Variants in ELMOD2 observed in about 807,000 individuals in gnomAD.
The protein encoded by ELMOD2 is ELMO domain-containing protein 2.
A neutral mutation model predicts 41.0 loss-of-function variants in ELMOD2; 28 were observed. The ratio of observed to expected loss-of-function variants is 0.68; its 90% CI spans 0.51 to 0.94. ELMOD2 has a LOEUF of 0.94. Among genes scored for constraint, ELMOD2 ranks in the 40% least tolerant of loss-of-function variants. ELMOD2 has a pLI of 0.00. For missense variants in ELMOD2, 333 were observed against 343.1 expected (o/e 0.97, Z 0.23); for synonymous variants, 106 against 107.2 (o/e 0.99, Z 0.07).
chr4:140,530,234 G>A (rs933860791), intron 3 of ELMOD2, among the ~76,000 whole-genome samples: 2 of 152,120 alleles, frequency 1.3e-5, no homozygotes, highest in Non-Finnish European at 1.5e-5. Context: ...TAATGGGATT[G>A]TATGTGTGGT....
intron 3 of ELMOD2, among the ~76,000 whole-genome samples, chr4:140,532,390 C>T (rs1320664691): frequency 6.6e-6 from 1 of 152,130 alleles, no homozygotes; most frequent in East Asian, 1.9e-4. Context: ...TGGTCTCAAA[C>T]TCCTGACATC....
chr4:140,541,649 C>T (rs992573183), intron 6 of ELMOD2, among the ~76,000 whole-genome samples: 2 of 151,912 alleles, frequency 1.3e-5, no homozygotes, highest in African/African-American at 4.8e-5. Flanking sequence ...TATACTCTCT[C>T]CCCGGGAAAT....
chr4:140,534,374 A>C (rs1734845710), intron 3 of ELMOD2, among the ~76,000 whole-genome samples: 1 of 152,180 alleles, frequency 6.6e-6, no homozygotes, highest in South Asian at 2.1e-4. Context: ...AAATCAGAAC[A>C]GTGGTTGCTT....
chr4:140,548,088 G>A (rs985732500), intron 8 of ELMOD2, among the ~76,000 whole-genome samples: 2 of 152,156 alleles, frequency 1.3e-5, no homozygotes, highest in Admixed American at 6.6e-5. Flanking sequence ...TCACTCTGAA[G>A]CAAGAAGTTC....
rs539070429 is a variant in ELMOD2, at chr4:140,545,906, A to G, written c.736+2320A>G. 4.0e-4 allele frequency among the ~76,000 whole-genome samples: 61 copies of G among 152,316 alleles called. 1 individual carries two copies. In the South Asian group the frequency reaches 0.012, roughly 30 times the overall value. ...GTTGATGGGACTGTAAACTAGTTCA[A>G]CCATTGTGGAAGACAGTGTGGTGAT... On this transcript the variant is annotated intron_variant, in intron 8 of 8. Coordinates refer to ENST00000323570, the MANE Select transcript of ELMOD2 (RefSeq NM_153702.4).
At chr4:140,537,985 C>A (rs2110853878) in intron 5 of ELMOD2, among the ~76,000 whole-genome samples, 1 of 152,122 alleles carries the variant, frequency 6.6e-6, no homozygotes, top group South Asian at 2.1e-4. Flanking sequence ...TTTGTCCAAT[C>A]TTTTGGGACT....
intron 8 of ELMOD2, among the ~76,000 whole-genome samples, chr4:140,546,037 AT>A (rs1735266546): frequency 2.1e-5 from 2 of 97,548 alleles, no homozygotes; most frequent in Non-Finnish European, 4.3e-5. Context: ...ACATGCACAC[AT>A]ATGTTTATTG....
intron 5 of ELMOD2, among the ~76,000 whole-genome samples, chr4:140,538,561 C>T (rs1352538847): frequency 6.6e-6 from 1 of 152,076 alleles, no homozygotes; most frequent in African/African-American, 2.4e-5. Flanking sequence ...TGAGGATTAA[C>T]TGCTATTTCT....
At chr4:140,549,139 A>G (rs752376839) in intron 8 of ELMOD2, among the ~76,000 whole-genome samples, 13 of 152,128 alleles carry the variant, frequency 8.5e-5, no homozygotes, top group Non-Finnish European at 1.9e-4. Flanking sequence ...TTTAAGTGGA[A>G]TCATGCAGTT....
intron 4 of ELMOD2, 79 bp downstream of exon 4, chr4:140,535,909 C>A: frequency 1.6e-6 from 2 of 1,286,220 alleles, no homozygotes; most frequent in Admixed American, 2.5e-5. Context: ...TGTTGTAACA[C>A]TTTAGAGCTG....
intron 8 of ELMOD2, among the ~76,000 whole-genome samples, chr4:140,544,816 C>T (rs1336528246): frequency 7.9e-5 from 12 of 152,116 alleles, no homozygotes; most frequent in Admixed American, 7.2e-4. Flanking sequence ...GCCTTCTCGC[C>T]TTCCAAATCT....
At chr4:140,546,667 C>G (rs1019335785) in intron 8 of ELMOD2, among the ~76,000 whole-genome samples, 1 of 150,664 alleles carries the variant, frequency 6.6e-6, no homozygotes, top group Admixed American at 6.6e-5. Context: ...TCCCATATCT[C>G]AATATATACA....
chr4:140,550,151 A>G (rs1039897555), intron 8 of ELMOD2, 79 bp from the exon 9 acceptor site: 5 of 1,226,650 alleles, frequency 4.1e-6, no homozygotes, highest in Non-Finnish European at 4.6e-6. Context: ...AAGGATGGTT[A>G]TATACTTTGT....
In ELMOD2 at chr4:140,553,075, C is replaced by T. The variant is rs139699035; in HGVS notation, c.*2700C>T. 12 of 152,134 alleles carry T rather than the reference C, an allele frequency of 7.9e-5. No individual in the cohort carries two copies. In the East Asian group the frequency reaches 1.3e-3, roughly 17 times the overall value. 9.4% of individuals were successfully genotyped at this position (152,134 alleles called of 1,614,324 possible). A position where few individuals can be genotyped will look rare whatever the true frequency, so the allele number is the denominator to read the frequency against. On this transcript the variant is annotated 3_prime_UTR_variant, in exon 9 of 9. Coordinates refer to ENST00000323570, the MANE Select transcript of ELMOD2 (RefSeq NM_153702.4). ...CTTGGATTTGTATGTATTTTTTCTA[C>T]GTGAAAATATATGTACTCTTCACTT...
At chr4:140,539,906 G>A (rs1735052929) in intron 5 of ELMOD2, among the ~76,000 whole-genome samples, 2 of 152,004 alleles carry the variant, frequency 1.3e-5, no homozygotes, top group African/African-American at 4.8e-5. Context: ...CCAGTTCTGG[G>A]CATATCTGTA....
chr4:140,547,498 A>T (rs759344191), intron 8 of ELMOD2, among the ~76,000 whole-genome samples: 1 of 152,094 alleles, frequency 6.6e-6, no homozygotes, highest in Non-Finnish European at 1.5e-5. Context: ...TGTAGGGCCA[A>T]AATTTTAGCT....
chr4:140,529,280 C>G (rs1415915743), intron 3 of ELMOD2, among the ~76,000 whole-genome samples: 1 of 152,096 alleles, frequency 6.6e-6, no homozygotes, highest in Non-Finnish European at 1.5e-5. Context: ...AACTTTGTTT[C>G]GATAGGAAAC....
Position 140,527,421 on chromosome 4 carries a change from C to T in ELMOD2, c.143-45C>T, listed in dbSNP as rs766761635. On this transcript the variant is annotated intron_variant, in intron 2 of 8. Transcript: ENST00000323570. Reference sequence around the variant, plus strand: ...TGTTTATTATAGGGTAATTGACAAACAGCATTTAAGTGATAACATCTTTTT... The same window carrying T: ...TGTTTATTATAGGGTAATTGACAAATAGCATTTAAGTGATAACATCTTTTT... 6.9e-6 allele frequency: 10 copies of T among 1,455,452 alleles called. No individual in the cohort carries two copies. The East Asian group carries it at 1.6e-4, about 24-fold the overall frequency. The allele number at this position is 1,455,452 out of a possible 1,614,324, so 90.2% of individuals were successfully genotyped here. A position where few individuals can be genotyped will look rare whatever the true frequency, so the allele number is the denominator to read the frequency against.
rs780454563 is a variant in ELMOD2 at position 140,535,743 on chromosome 4, A to G, written c.182A>G (p.Lys61Arg). 6.2e-7 allele frequency: 1 copy of G among 1,608,584 alleles called. No individual in the cohort carries two copies. Among genetic ancestry groups the G allele is most frequent in the East Asian group, 2.2e-5 (1 of 44,752 alleles). Reference sequence around the variant, plus strand: ...CTTTTACATAAATAGGTTTTACAGAAGGCGACACATGTTGTTCAGAGTGAA... The same window carrying G: ...CTTTTACATAAATAGGTTTTACAGAGGGCGACACATGTTGTTCAGAGTGAA... ...LTYSKNKVLQ[K>R]ATHVVQSEVD... The change falls in exon 4 of 9, where the codon AAG becomes AGG. Residue 61 changes from lysine (K) to arginine (R), a missense_variant. By Grantham distance (26) the Lys-to-Arg change is conservative. Coordinates refer to ENST00000323570, the MANE Select transcript of ELMOD2 (RefSeq NM_153702.4).
Sources: allele counts gnomAD v4.1 joint callset (sites outside exome capture counted in the v4.1 genomes callset), GRCh38; gene constraint gnomAD v4.1.1; transcripts MANE v1.5; gene names NCBI Gene and HGNC (gene_info 2026-07-23, HGNC 2026-07-21).